The following PDE10A variants were observed in gnomAD, a reference collection of about 807,000 sequenced individuals.
PDE10A encodes the protein cAMP and cAMP-inhibited cGMP 3',5'-cyclic phosphodiesterase 10A.
In PDE10A, 39 loss-of-function variants were observed where a neutral mutation model predicts 97.7. The observed-to-expected ratio is 0.40, with a 90% confidence interval of 0.31 to 0.52. The LOEUF (loss-of-function observed/expected upper bound fraction) is 0.52, where lower values mean the gene tolerates loss of function less well. Among genes scored for constraint, PDE10A ranks in the 20% least tolerant of loss-of-function variants. The pLI, the probability that PDE10A is intolerant of heterozygous loss-of-function variation, is 0.56. For synonymous variants in PDE10A, 371 were observed against 376.8 expected (o/e 0.98, Z 0.18); for missense variants, 731 against 1,047.8 (o/e 0.70, Z 4.17).
At chr6:165,428,804 AT>A in intron 9 of PDE10A, 95 bp from the exon 10 acceptor site, 1 of 543,794 alleles carries the variant, frequency 1.8e-6, no homozygotes, top group Non-Finnish European at 3.2e-6. Context: ...CTACATTTAA[AT>A]AAAAAACCAT....
chr6:165,934,193 T>C (rs1783248230), intron 1 of PDE10A, among the ~76,000 whole-genome samples: 1 of 118,848 alleles, frequency 8.4e-6, no homozygotes, highest in Non-Finnish European at 1.7e-5. Context: ...GGAGATGGGG[T>C]TTTACCATGT....
At chr6:165,412,023 G>C (rs1247352010) in intron 13 of PDE10A, among the ~76,000 whole-genome samples, 2 of 151,138 alleles carry the variant, frequency 1.3e-5, no homozygotes, top group African/African-American at 4.9e-5. Context: ...TAAGAAAAAA[G>C]TTTTCAATTT....
intron 16 of PDE10A, among the ~76,000 whole-genome samples, chr6:165,389,973 A>T (rs1785570552): frequency 6.6e-6 from 1 of 152,242 alleles, no homozygotes; most frequent in Non-Finnish European, 1.5e-5. Flanking sequence ...AGGGATTTTG[A>T]GTGGAATTCA....
At chr6:165,954,356 C>T (rs80054841) in intron 1 of PDE10A, among the ~76,000 whole-genome samples, 4,981 of 152,236 alleles carry the variant, frequency 0.033, 292 homozygotes, top group African/African-American at 0.11. Flanking sequence ...TGAATATAAA[C>T]GTGGTGGCTG....
chr6:165,743,409 G>C (rs147750154), intron 1 of PDE10A, among the ~76,000 whole-genome samples: 2 of 152,040 alleles, frequency 1.3e-5, no homozygotes, highest in African/African-American at 2.4e-5. Flanking sequence ...TTATTTGGAC[G>C]TCACTGTTTT....
intron 1 of PDE10A, among the ~76,000 whole-genome samples, chr6:165,850,308 G>A (rs761419775): frequency 3.8e-4 from 58 of 152,160 alleles, no homozygotes; most frequent in Admixed American, 6.5e-5. Flanking sequence ...ATAACGTCTT[G>A]GCATTTTTAT....
At chr6:165,631,654 T>C (rs532295193) in intron 1 of PDE10A, among the ~76,000 whole-genome samples, 64 of 152,324 alleles carry the variant, frequency 4.2e-4, no homozygotes, top group Admixed American at 6.5e-4. Flanking sequence ...CATTGCAGAA[T>C]AAATGGATAA....
rs140433644 is a variant in PDE10A, at chr6:165,445,041, C to T, written c.1194+3887G>A. On this transcript the variant is annotated intron_variant, in intron 5 of 21. Coordinates refer to ENST00000539869, the MANE Select transcript of PDE10A (RefSeq NM_001385079.1). Reference sequence around the variant, plus strand: ...AGACTTTCTTGCTATGATTCCAAATCGAGACAATTTTTTAAAGATTGACAA... The same window carrying T: ...AGACTTTCTTGCTATGATTCCAAATTGAGACAATTTTTTAAAGATTGACAA... Among the ~76,000 whole-genome samples, 7 of 151,978 alleles carry T rather than the reference C, an allele frequency of 4.6e-5. No individual in the cohort carries two copies. In the East Asian group the frequency reaches 5.8e-4, roughly 13 times the overall value.
Position 165,332,719 on chromosome 6 carries a change from C to T in PDE10A, c.*306G>A. Reference sequence around the variant, plus strand: ...CCTTCTGGATAATTTTTGTCCATTTCCTTTAAGGCCTCAGCAATATTAGCC... The same window carrying T: ...CCTTCTGGATAATTTTTGTCCATTTTCTTTAAGGCCTCAGCAATATTAGCC... On this transcript the variant is annotated 3_prime_UTR_variant, in exon 22 of 22. Transcript: ENST00000539869. 1 of 322,280 alleles carries T rather than the reference C, an allele frequency of 3.1e-6. No homozygotes were observed. Among genetic ancestry groups the T allele is most frequent in the African/African-American group, 2.1e-5 (1 of 46,726 alleles). The allele number at this position is 322,280 out of a possible 1,614,324, so 20.0% of individuals were successfully genotyped here.
chr6:165,842,552 T>G (rs1333285593), intron 1 of PDE10A, among the ~76,000 whole-genome samples: 2 of 152,258 alleles, frequency 1.3e-5, no homozygotes, highest in African/African-American at 4.8e-5. Context: ...AAGCTCACTT[T>G]GGAAATTCAT....
chr6:165,548,783 G>T (rs1431407317), intron 1 of PDE10A, among the ~76,000 whole-genome samples: 1 of 152,158 alleles, frequency 6.6e-6, no homozygotes, highest in African/African-American at 2.4e-5. Flanking sequence ...CTACTATGTG[G>T]TTGTCCGGTG....
chr6:165,968,562 C>T (rs774034202), intron 1 of PDE10A, among the ~76,000 whole-genome samples: 3 of 152,158 alleles, frequency 2.0e-5, no homozygotes, highest in Admixed American at 1.3e-4. Context: ...CCATGTGAGG[C>T]GTCATGACTC....
In PDE10A at chr6:165,327,486, ACT is replaced by A. The variant is rs761417591; in HGVS notation, c.*5537_*5538del. 17 of 152,246 alleles carry A rather than the reference ACT, an allele frequency of 1.1e-4. No homozygotes were observed. The highest frequency in any genetic ancestry group is 2.4e-4 in the Non-Finnish European group (16 of 68,034). 9.4% of individuals were successfully genotyped at this position (152,246 alleles called of 1,614,324 possible). Reference sequence around the variant, plus strand: ...ATATAACACTCATATATGCATATATACTGGCTGTTTGAATTATGAATTTATTT... The same window carrying A: ...ATATAACACTCATATATGCATATATAGGCTGTTTGAATTATGAATTTATTT... On this transcript the variant is annotated 3_prime_UTR_variant, in exon 22 of 22. Coordinates refer to ENST00000539869, the MANE Select transcript of PDE10A (RefSeq NM_001385079.1).
At chr6:165,825,295 C>A (rs188177918) in intron 1 of PDE10A, among the ~76,000 whole-genome samples, 1 of 152,060 alleles carries the variant, frequency 6.6e-6, no homozygotes, top group Non-Finnish European at 1.5e-5. Flanking sequence ...ATGAGGAAGC[C>A]GAGGCCTGTG....
At position 165,661,360 on chromosome 6, in the gene PDE10A, C is replaced by G. The variant is rs944108339; in HGVS notation, c.865+587G>C. The G allele has an allele frequency of 6.6e-6, 1 of 152,262 alleles. No individual in the cohort carries two copies. Among genetic ancestry groups the G allele is most frequent in the African/African-American group, 2.4e-5 (1 of 41,424 alleles). The allele number at this position is 152,262 out of a possible 1,614,324, so 9.4% of individuals were successfully genotyped here. ...GGTGGAGGTGCAACCGTTTCCACCC[C>G]GCCAGTCCATGCTCTGGATGCCGGT... On this transcript the variant is annotated intron_variant, in intron 1 of 21. Transcript: ENST00000539869. This position sits in a 1 kb window ranked among gnomAD's most constrained non-coding sequence, Gnocchi z 4.8.
intron 1 of PDE10A, among the ~76,000 whole-genome samples, chr6:165,574,085 T>G (rs1310970952): frequency 6.6e-6 from 1 of 152,206 alleles, no homozygotes; most frequent in Non-Finnish European, 1.5e-5. Flanking sequence ...CAAAACAAAC[T>G]GTTCAACATA....
chr6:165,844,095 A>C (rs1780338506), intron 1 of PDE10A, among the ~76,000 whole-genome samples: 1 of 152,144 alleles, frequency 6.6e-6, no homozygotes, highest in East Asian at 1.9e-4. Context: ...TGTATTTTGG[A>C]AAAGGGGACC....
intron 4 of PDE10A, among the ~76,000 whole-genome samples, chr6:165,449,491 G>A (rs146525284): frequency 6.6e-6 from 1 of 152,240 alleles, no homozygotes; most frequent in African/African-American, 2.4e-5. Flanking sequence ...TGGAGGGACT[G>A]CCTCAATTAA....
intron 1 of PDE10A, among the ~76,000 whole-genome samples, chr6:165,885,547 G>A (rs1781606675): frequency 6.6e-6 from 1 of 152,214 alleles, no homozygotes. Flanking sequence ...GGGTGAGGAT[G>A]AGGTGGGAAC....
Sources: gnomAD v4.1 joint callset for allele counts (sites outside exome capture counted in the v4.1 genomes callset) on GRCh38, gnomAD v4.1.1 for gene constraint, Gnocchi (gnomAD v3.1) non-coding constraint, MANE v1.5 for transcripts, NCBI Gene and HGNC (gene_info 2026-07-23, HGNC 2026-07-21) for gene names.